Variants in FRMD4A observed in about 807,000 individuals in gnomAD.
The protein encoded by FRMD4A is FERM domain-containing protein 4A.
Under a neutral mutation model 129.1 loss-of-function variants are expected in FRMD4A, and 29 were observed. The ratio of observed to expected loss-of-function variants is 0.22; its 90% CI spans 0.17 to 0.31. FRMD4A has a LOEUF of 0.31. FRMD4A is among the 10% of genes least tolerant of loss of function. FRMD4A has a pLI of 1.00. For missense variants in FRMD4A, 1,272 were observed against 1,375.8 expected (o/e 0.92, Z 1.19); for synonymous variants, 634 against 571.6 (o/e 1.11, Z -1.56).
chr10:14,159,758 A>G (rs1237647318), intron 2 of FRMD4A, among the ~76,000 whole-genome samples: 1 of 152,192 alleles, frequency 6.6e-6, no homozygotes, highest in Non-Finnish European at 1.5e-5. Context: ...TTCAAAATAT[A>G]CCAAATGCTG....
At chr10:13,755,497 C>T (rs1351315156) in intron 8 of FRMD4A, among the ~76,000 whole-genome samples, 9 of 152,098 alleles carry the variant, frequency 5.9e-5, no homozygotes, top group Non-Finnish European at 1.0e-4. Flanking sequence ...TGCCTCTAAC[C>T]GCTCCCCTGG....
At chr10:14,218,460 T>G (rs1463663322) in intron 2 of FRMD4A, among the ~76,000 whole-genome samples, 1 of 152,212 alleles carries the variant, frequency 6.6e-6, no homozygotes, top group Non-Finnish European at 1.5e-5. Flanking sequence ...CCCTTACATT[T>G]GTATAAGATT....
Position 13,977,930 on chromosome 10 carries a change from AC to A in FRMD4A, c.46-119019del, listed in dbSNP as rs201294689. Among the ~76,000 whole-genome samples, 40 of 152,328 alleles carry A rather than the reference AC, an allele frequency of 2.6e-4. No homozygotes were observed. In the East Asian group the frequency reaches 7.5e-3, roughly 29 times the overall value. On this transcript the variant is annotated intron_variant, in intron 2 of 24. Coordinates refer to ENST00000357447, the MANE Select transcript of FRMD4A (RefSeq NM_018027.5). ...TGTGGGTTGTTCCCACTCTCTGGCT[AC>A]TATCAATGATGCTGCTATAAACACT...
chr10:13,833,798 T>C (rs2093828144), intron 3 of FRMD4A, among the ~76,000 whole-genome samples: 1 of 152,128 alleles, frequency 6.6e-6, no homozygotes, highest in Non-Finnish European at 1.5e-5. Context: ...GTTATTGTTA[T>C]GATCATTCCC....
At chr10:14,109,191 G>A (rs1164665131) in intron 2 of FRMD4A, among the ~76,000 whole-genome samples, 1 of 149,526 alleles carries the variant, frequency 6.7e-6, no homozygotes, top group South Asian at 2.1e-4. Context: ...GGGAGATACT[G>A]GTTGAATAAA....
chr10:13,679,474 TACACAC>T (rs59818032), intron 15 of FRMD4A, among the ~76,000 whole-genome samples: 2,512 of 31,358 alleles, frequency 0.08, 226 homozygotes, highest in Admixed American at 0.1. Flanking sequence ...TATATATATA[TACACAC>T]ACACACACAC....
At chr10:13,919,324 T>C (rs2095044442) in intron 2 of FRMD4A, among the ~76,000 whole-genome samples, 1 of 152,226 alleles carries the variant, frequency 6.6e-6, no homozygotes, top group Admixed American at 6.5e-5. Context: ...AATGAGTTAA[T>C]AAGTAAGTAG....
chr10:14,131,959 C>A (rs12259363), intron 2 of FRMD4A, among the ~76,000 whole-genome samples: 6,379 of 152,212 alleles, frequency 0.042, 424 homozygotes, highest in African/African-American at 0.15. Context: ...TACAGTCATG[C>A]CGGCAATTTC....
chr10:14,282,034 G>GGGGACA (rs1845537795), intron 2 of FRMD4A, among the ~76,000 whole-genome samples: 1 of 152,154 alleles, frequency 6.6e-6, no homozygotes, highest in African/African-American at 2.4e-5. Context: ...TAAAAAGCAC[G>GGGGACA]TCTTACATGG....
intron 15 of FRMD4A, among the ~76,000 whole-genome samples, chr10:13,691,054 C>G (rs2085644090): frequency 6.6e-6 from 1 of 152,288 alleles, no homozygotes; most frequent in Middle Eastern, 3.4e-3. Context: ...GTAGCATCAT[C>G]TTAGCTCACT....
intron 3 of FRMD4A, among the ~76,000 whole-genome samples, chr10:13,851,984 G>C (rs1352153568): frequency 6.6e-6 from 1 of 151,356 alleles, no homozygotes; most frequent in Non-Finnish European, 1.5e-5. Flanking sequence ...AACAAGCTCA[G>C]GGCTCCCACT....
At chr10:14,179,092 G>T (rs1411245939) in intron 2 of FRMD4A, among the ~76,000 whole-genome samples, 1 of 152,204 alleles carries the variant, frequency 6.6e-6, no homozygotes, top group Non-Finnish European at 1.5e-5. Context: ...GGTAGGCCAT[G>T]GTTGGAGGCT....
intron 2 of FRMD4A, among the ~76,000 whole-genome samples, chr10:13,922,651 T>C (rs2095086392): frequency 6.6e-6 from 1 of 152,202 alleles, no homozygotes; most frequent in African/African-American, 2.4e-5. Context: ...ATTATTCTAA[T>C]GACAAGATCA....
intron 2 of FRMD4A, among the ~76,000 whole-genome samples, chr10:14,187,237 T>C (rs1842177019): frequency 6.6e-6 from 1 of 152,162 alleles, no homozygotes; most frequent in African/African-American, 2.4e-5. Flanking sequence ...AATGATGTGA[T>C]TTCTTAAAGG....
chr10:14,120,372 A>C (rs1176236406), intron 2 of FRMD4A, among the ~76,000 whole-genome samples: 1 of 151,706 alleles, frequency 6.6e-6, no homozygotes, highest in Admixed American at 6.6e-5. Context: ...TGATGCCAAT[A>C]CCCTCTCCCA....
intron 2 of FRMD4A, among the ~76,000 whole-genome samples, chr10:14,016,593 C>T (rs2095699916): frequency 6.6e-6 from 1 of 152,192 alleles, no homozygotes; most frequent in African/African-American, 2.4e-5. Context: ...CTTCTTGAAC[C>T]TTTGAGAGCT....
chr10:14,082,288 G>A (rs1122165), intron 2 of FRMD4A, among the ~76,000 whole-genome samples: 9,178 of 152,154 alleles, frequency 0.06, 385 homozygotes, highest in East Asian at 0.21. Flanking sequence ...TTTATTAATA[G>A]CCCAGGCTTG....
intron 3 of FRMD4A, among the ~76,000 whole-genome samples, chr10:13,825,341 A>G (rs2093686482): frequency 1.3e-5 from 2 of 152,010 alleles, no homozygotes. Context: ...GGGTCCCCAA[A>G]CCCCGGGCCG....
intron 12 of FRMD4A, chr10:13,707,492 G>A (rs2087581652): frequency 3.0e-6 from 3 of 1,012,444 alleles, no homozygotes; most frequent in Middle Eastern, 4.9e-4. Flanking sequence ...CAGGGAAGGC[G>A]GCGGGTGAGG....
Sources: allele counts gnomAD v4.1 joint callset (sites outside exome capture counted in the v4.1 genomes callset), GRCh38; gene constraint gnomAD v4.1.1; transcripts MANE v1.5; gene names NCBI Gene and HGNC (gene_info 2026-07-23, HGNC 2026-07-21).